Variants in CCDC144A observed in about 807,000 individuals in gnomAD.
CCDC144A encodes the protein coiled-coil domain containing 144A.
CCDC144A carries 41 observed loss-of-function variants against 143.8 expected under a neutral mutation model. The observed-to-expected ratio is 0.29, with a 90% CI of 0.22 to 0.37. The LOEUF (loss-of-function observed/expected upper bound fraction) is 0.37. CCDC144A is among the 10% of genes least tolerant of loss of function. CCDC144A has a pLI of 1.00. For missense variants in CCDC144A, 637 were observed against 1,488.8 expected (o/e 0.43, Z 9.41); for synonymous variants, 242 against 517.9 (o/e 0.47, Z 7.23).
chr17:16,745,617 G>A, intron 12 of CCDC144A: 1 of 1,558,678 alleles, frequency 6.4e-7, no homozygotes, highest in Admixed American at 1.9e-5. Flanking sequence ...TGGAGGCCAG[G>A]TGCGTGCAGT....
intron 2 of CCDC144A, among the ~76,000 whole-genome samples, chr17:16,695,737 T>C (rs1346346112): frequency 6.6e-6 from 1 of 151,610 alleles, no homozygotes; most frequent in African/African-American, 2.4e-5. Context: ...TCATTTATTA[T>C]GTTAAATATG....
At chr17:16,678,793 C>T in the CCDC144A span, among the ~76,000 whole-genome samples, 43 of 121,618 alleles carry the variant, frequency 3.5e-4, no homozygotes, top group Admixed American at 1.5e-3. Flanking sequence ...TTGCTCTTGT[C>T]GCCCAGGCTG....
chr17:16,758,353 G>A (rs1317317954), intron 12 of CCDC144A, among the ~76,000 whole-genome samples: 1 of 152,232 alleles, frequency 6.6e-6, no homozygotes, highest in African/African-American at 2.4e-5. Flanking sequence ...CAGGCTTGAA[G>A]TGCAAGATCC....
At chr17:16,683,927 G>C in the CCDC144A span, 4 of 1,280,884 alleles carry the variant, frequency 3.1e-6, no homozygotes, top group Non-Finnish European at 4.5e-6. Context: ...AAAGCCACGA[G>C]CAGGAATCCG....
Position 16,777,429 on chromosome 17 carries a change from G to A in CCDC144A, c.*3796G>A, listed in dbSNP as rs1326272475. On this transcript the variant is annotated 3_prime_UTR_variant, in exon 17 of 17. Transcript: ENST00000399273. ...ATATACATTGTATACATCAGAACAC[G>A]GGACATTCTCCAAAATAGACCATAT... The A allele has an allele frequency of 4.6e-5, 7 of 150,806 alleles. No individual in the cohort carries two copies. The highest frequency in any genetic ancestry group is 9.8e-5 in the African/African-American group (4 of 40,798). 9.3% of individuals were successfully genotyped at this position (150,806 alleles called of 1,614,324 possible).
At chr17:16,696,442 C>T (rs902123010) in intron 2 of CCDC144A, among the ~76,000 whole-genome samples, 2 of 150,640 alleles carry the variant, frequency 1.3e-5, no homozygotes, top group Non-Finnish European at 3.0e-5. Flanking sequence ...CCATCCTGGC[C>T]AACATGGTGA....
intron 6 of CCDC144A, among the ~76,000 whole-genome samples, chr17:16,717,450 C>T (rs1313392641): frequency 6.6e-6 from 1 of 152,060 alleles, no homozygotes; most frequent in African/African-American, 2.4e-5. Context: ...TCCATTCTTA[C>T]TTTCTTTGTG....
intron 8 of CCDC144A, among the ~76,000 whole-genome samples, chr17:16,724,645 T>C (rs1913289134): frequency 6.6e-6 from 1 of 152,090 alleles, no homozygotes; most frequent in Non-Finnish European, 1.5e-5. Context: ...TCCCTTGTTT[T>C]ATCACTTATT....
chr17:16,754,648 A>G (rs1914987719), intron 12 of CCDC144A, among the ~76,000 whole-genome samples: 1 of 152,216 alleles, frequency 6.6e-6, no homozygotes, highest in Non-Finnish European at 1.5e-5. Context: ...AACTCAATAT[A>G]TGGTCTATTC....
the CCDC144A span, chr17:16,683,783 A>G: frequency 5.0e-5 from 74 of 1,471,422 alleles, 1 homozygote; most frequent in South Asian, 7.3e-4. Flanking sequence ...ATGCAAGCAC[A>G]TGAAGCCGAG....
chr17:16,758,549 G>A (rs1407935321), intron 12 of CCDC144A, among the ~76,000 whole-genome samples: 2 of 152,224 alleles, frequency 1.3e-5, no homozygotes, highest in Non-Finnish European at 2.9e-5. Flanking sequence ...GAAAATGGGA[G>A]TCACAAAGGG....
At chr17:16,675,837 G>C in the CCDC144A span, among the ~76,000 whole-genome samples, 1 of 151,898 alleles carries the variant, frequency 6.6e-6, no homozygotes, top group African/African-American at 2.4e-5. Flanking sequence ...CCTCCTCCCG[G>C]GTTCACGCCA....
At chr17:16,743,481 G>C (rs1914349412) in intron 12 of CCDC144A, among the ~76,000 whole-genome samples, 1 of 151,812 alleles carries the variant, frequency 6.6e-6, no homozygotes, top group Non-Finnish European at 1.5e-5. Context: ...TGCTCTTTTG[G>C]TTACTGTAAC....
chr17:16,697,264 T>C (rs1479191150), intron 2 of CCDC144A, among the ~76,000 whole-genome samples: 1 of 152,110 alleles, frequency 6.6e-6, no homozygotes, highest in African/African-American at 2.4e-5. Flanking sequence ...TTGGCAAGCA[T>C]TTTCTGTACA....
At chr17:16,706,410 C>G in intron 3 of CCDC144A, 1 of 143,194 alleles carries the variant, frequency 7.0e-6, no homozygotes, top group African/African-American at 2.9e-5. Context: ...CTGCTCAGCT[C>G]TCCATCTTTA....
chr17:16,753,428 G>GTTTTTTTTTTTTTT, intron 12 of CCDC144A, among the ~76,000 whole-genome samples: 48 of 57,362 alleles, frequency 8.4e-4, no homozygotes, highest in Non-Finnish European at 1.2e-3. Context: ...GTGTTTTGTA[G>GTTTTTTTTTTTTTT]TTTTTTTTTT....
At chr17:16,719,928 G>A (rs1912991099) in intron 6 of CCDC144A, among the ~76,000 whole-genome samples, 1 of 152,086 alleles carries the variant, frequency 6.6e-6, no homozygotes, top group Admixed American at 6.5e-5. Context: ...GTTTTACTAT[G>A]AGAAATCTTG....
intron 15 of CCDC144A, 174 bp downstream of exon 15, chr17:16,764,349 A>G (rs1266335580): frequency 6.6e-5 from 93 of 1,416,396 alleles, no homozygotes; most frequent in Non-Finnish European, 8.4e-5. Context: ...TGGAGCTCTC[A>G]TTGATAAGAG....
upstream of CCDC144A, chr17:16,689,767 C>T (rs1388246975): frequency 6.6e-6 from 1 of 152,266 alleles, no homozygotes; most frequent in Non-Finnish European, 1.5e-5. Flanking sequence ...CCCTTCCAGC[C>T]GGGCTGACAG....
Sources: allele counts gnomAD v4.1 joint callset (sites outside exome capture counted in the v4.1 genomes callset), GRCh38; gene constraint gnomAD v4.1.1; transcripts MANE v1.5; gene names NCBI Gene and HGNC (gene_info 2026-07-23, HGNC 2026-07-21).